Variants in OGFOD2 observed in about 807,000 individuals in gnomAD.
OGFOD2 encodes 2-oxoglutarate and iron-dependent oxygenase domain-containing protein 2.
In OGFOD2, 34 loss-of-function variants were observed where a neutral mutation model predicts 31.1. The ratio of observed to expected loss-of-function variants is 1.09; its 90% CI spans 0.83 to 1.45. OGFOD2 has a LOEUF of 1.45. Among genes scored for constraint, OGFOD2 ranks in the 40% most tolerant of loss-of-function variants. The pLI, the probability that OGFOD2 is intolerant of heterozygous loss-of-function variation, is 0.00. For synonymous variants in OGFOD2, 240 were observed against 192.3 expected, an observed-to-expected ratio of 1.25 and a Z score of -2.05; for missense variants, 537 against 433.9, an observed-to-expected ratio of 1.24 and a Z score of -2.11.
chr12:122,978,383 C>T, intron 4 of OGFOD2, 59 bp from the exon 5 acceptor site: 1 of 1,599,234 alleles, frequency 6.3e-7, no homozygotes, highest in South Asian at 1.1e-5. Flanking sequence ...AAGACTGAAG[C>T]CCAGGCCTGG....
At chr12:122,975,533 A>G in intron 1 of OGFOD2, 150 bp downstream of exon 1, 2 of 593,262 alleles carry the variant, frequency 3.4e-6, no homozygotes, top group South Asian at 2.0e-5. Context: ...CGGTTTTCTC[A>G]CCGTAAAGGG....
At chr12:122,975,978 C>A in intron 2 of OGFOD2, 111 bp downstream of exon 2, 1 of 658,240 alleles carries the variant, frequency 1.5e-6, no homozygotes, top group Non-Finnish European at 2.8e-6. Flanking sequence ...GTCACTTAGG[C>A]CCTCACTTTC....
chr12:122,978,760 T>C, exon 6 of OGFOD2: 1 of 1,608,026 alleles, frequency 6.2e-7, no homozygotes. Context: ...CAGGTGCTGC[T>C]GCACGAGCTC....
At chr12:122,975,185 C>A, upstream of OGFOD2, 1 of 507,112 alleles carries the variant, frequency 2.0e-6, no homozygotes, top group South Asian at 2.7e-5. Context: ...TGGTTCCGCG[C>A]CTCCCGCGGT....
exon 7 of OGFOD2, chr12:122,979,480 G>C: frequency 8.9e-7 from 1 of 1,124,818 alleles, no homozygotes; most frequent in Non-Finnish European, 1.2e-6. Flanking sequence ...GTCATTCTAT[G>C]GGCAAAGATG....
At chr12:122,979,526 G>T (rs987602407) in exon 7 of OGFOD2, 31 of 786,316 alleles carry the variant, frequency 3.9e-5, no homozygotes, top group Non-Finnish European at 4.3e-5. Context: ...GCAGGGTCTG[G>T]AATGGGGCTT....
intron 3 of OGFOD2, 41 bp from the exon 4 acceptor site, chr12:122,976,830 G>A: frequency 6.3e-7 from 1 of 1,595,594 alleles, no homozygotes; most frequent in Non-Finnish European, 8.6e-7. Flanking sequence ...TCCAGGGCTG[G>A]GGGTGCTGCC....
At chr12:122,978,515 C>T (rs539396963) in exon 5 of OGFOD2, 26 of 1,613,510 alleles carry the variant, frequency 1.6e-5, no homozygotes, top group South Asian at 5.5e-5. Flanking sequence ...AGCTGGAGCA[C>T]TTCGAGCAAT....
At chr12:122,978,598 AG>A (rs2037503059) in intron 5 of OGFOD2, 29 bp downstream of exon 5, 19 of 1,605,376 alleles carry the variant, frequency 1.2e-5, no homozygotes, top group Non-Finnish European at 1.4e-5. Context: ...GTGGCAGAGG[AG>A]GGGGTGGCTG....
chr12:122,976,994 G>C (rs1477201008), intron 4 of OGFOD2, 24 bp downstream of exon 4: 2 of 1,599,870 alleles, frequency 1.3e-6, no homozygotes, highest in Non-Finnish European at 1.7e-6. Context: ...CCTGAGACCT[G>C]GCAGGACCAG....
At position 122,975,884 on chromosome 12, in the gene OGFOD2, C is replaced by T; in HGVS notation, c.189+17C>T. 1.4e-6 allele frequency: 1 copy of T among 700,182 alleles called. No homozygotes were observed. The highest frequency in any genetic ancestry group is 2.6e-6 in the Non-Finnish European group (1 of 382,644). 43.4% of individuals were successfully genotyped at this position (700,182 alleles called of 1,614,324 possible). On this transcript the variant is annotated intron_variant, in intron 2 of 6. Transcript: ENST00000228922. ...TTAGCAGAGGTACCAGTCCCCTGCCCCTGCACAGCTCCTCCTCGTTAGATT... is the reference window on the plus strand; with the variant it reads ...TTAGCAGAGGTACCAGTCCCCTGCCTCTGCACAGCTCCTCCTCGTTAGATT...
chr12:122,975,991 C>A, intron 2 of OGFOD2, 124 bp downstream of exon 2: 1 of 647,130 alleles, frequency 1.5e-6, no homozygotes, highest in Non-Finnish European at 2.9e-6. Flanking sequence ...TCACTTTCCT[C>A]CTTCCTGCCC....
At chr12:122,976,315 G>T in intron 2 of OGFOD2, 2 of 1,542,396 alleles carry the variant, frequency 1.3e-6, no homozygotes, top group Non-Finnish European at 1.8e-6. Context: ...GTGGTGGGAA[G>T]CTTCCCAGGA....
chr12:122,978,189 A>G, intron 4 of OGFOD2: 1 of 408,046 alleles, frequency 2.5e-6, no homozygotes, highest in Non-Finnish European at 4.6e-6. Context: ...TCTGGGCCTC[A>G]GGACCCATAT....
At chr12:122,975,435 AG>A in intron 1 of OGFOD2, 52 bp downstream of exon 1, 1 of 637,474 alleles carries the variant, frequency 1.6e-6, no homozygotes, top group Non-Finnish European at 2.9e-6. Context: ...GGGGTAGTGG[AG>A]GAGGGAAGTT....
intron 5 of OGFOD2, 61 bp downstream of exon 5, chr12:122,978,630 A>T (rs922486055): frequency 4.4e-6 from 7 of 1,597,150 alleles, no homozygotes; most frequent in Non-Finnish European, 6.0e-6. Context: ...GCAGTGTCAG[A>T]GGTTCTGCAG....
At chr12:122,979,140 C>T (rs374589979) in exon 7 of OGFOD2, 2 of 1,607,780 alleles carry the variant, frequency 1.2e-6, no homozygotes, top group South Asian at 1.1e-5. Flanking sequence ...CCAGGGTGTC[C>T]TCCACCGTGG....
intron 1 of OGFOD2, 117 bp downstream of exon 1, chr12:122,975,500 A>G (rs1054474742): frequency 5.0e-6 from 3 of 594,528 alleles, no homozygotes; most frequent in East Asian, 2.8e-5. Flanking sequence ...TTCAAATACA[A>G]GAATGACGGC....
exon 7 of OGFOD2, chr12:122,979,312 A>T: frequency 6.2e-7 from 1 of 1,611,856 alleles, no homozygotes; most frequent in Non-Finnish European, 8.5e-7. Context: ...ACCCGAGAGG[A>T]GCCCGCCACG....
Sources: allele counts gnomAD v4.1 joint callset, GRCh38; gene constraint gnomAD v4.1.1; transcripts MANE v1.5; gene names NCBI Gene and HGNC (gene_info 2026-07-23, HGNC 2026-07-21).